Variants in FLG observed in about 807,000 individuals in gnomAD.
FLG encodes filaggrin.
Under a neutral mutation model 3.8 loss-of-function variants are expected in FLG, and 6 were observed. The ratio of observed to expected loss-of-function variants is 1.60; its 90% CI spans 0.87 to 3.15. The LOEUF is 3.15. Among genes scored for constraint, FLG ranks in the 30% most tolerant of loss-of-function variants. The probability of loss-of-function intolerance (pLI) is 0.00; values close to 1 mark genes in which losing one functional copy is unlikely to be tolerated. For missense variants in FLG, 7,595 were observed against 5,050.9 expected (o/e 1.50, Z -15.27); for synonymous variants, 2,551 against 1,931.6 (o/e 1.32, Z -8.41).
Position 152,310,319 on chromosome 1 carries a change from TG to T in FLG, c.4566del (p.Thr1523HisfsTer183). The T allele has an allele frequency of 2.5e-6, 4 of 1,613,890 alleles. No individual in the cohort carries two copies. Among genetic ancestry groups the T allele is most frequent in the Non-Finnish European group, 3.4e-6 (4 of 1,179,978 alleles). On this transcript the variant is annotated frameshift_variant, in exon 3 of 3. Coordinates refer to ENST00000368799, the MANE Select transcript of FLG (RefSeq NM_002016.2). LOFTEE classifies it low-confidence loss of function (END_TRUNC). ...GAGGCATCAGACCTTCCCTGGGGTG[TG>T]GTGTGGCTGTGATGGTACCCTGAGT... ...SGHSGYHHSH[T>X]TPQGRSDASH... is the part of the protein sequence containing the mutation.
chr1:152,313,638 C>T lies in FLG; in HGVS notation c.1248G>A (p.Gly416=), dbSNP rs374242065. 3 of 1,613,284 alleles carry T rather than the reference C, an allele frequency of 1.9e-6. No individual in the cohort carries two copies. The highest frequency in any genetic ancestry group is 2.7e-5 in the African/African-American group (2 of 74,686). ...TGTCACTGGCCTGACTACCGCTAGA[C>T]CCCCGGTGTCCACGATCGCTGACTG... ...SSAVSDRGHR[G]SSGSQASDSE... is the part of the protein sequence containing the mutation. The change falls in exon 3 of 3, where the codon GGG becomes GGA. Residue 416 remains glycine (G), a synonymous_variant. Coordinates refer to ENST00000368799, the MANE Select transcript of FLG (RefSeq NM_002016.2).
At position 152,309,440 on chromosome 1, in the gene FLG, G is replaced by C. The variant is rs1428880800; in HGVS notation, c.5446C>G (p.His1816Asp). Residue 1816 changes from histidine to aspartate, a missense_variant, in exon 3 of 3, where the codon CAC becomes GAC. Transcript: ENST00000368799. ...CTTCCTCCTCTGCTTGACCCTGGGT[G>C]TCCACGAATGGTGTCCTGACCCTCT... is the stretch of plus-strand genomic sequence containing the variant. The part of the protein sequence containing the change: ...SQEGQDTIRG[H>D]PGSSRGGRQG... 1 of 1,613,218 alleles carries C rather than the reference G, an allele frequency of 6.2e-7. No individual in the cohort carries two copies. The highest frequency in any genetic ancestry group is 2.2e-5 in the East Asian group (1 of 44,756).
At position 152,312,165 on chromosome 1, in the gene FLG, C is replaced by A; in HGVS notation, c.2721G>T (p.Arg907Ser). 1 of 1,613,902 alleles carries A rather than the reference C, an allele frequency of 6.2e-7. No individual in the cohort carries two copies. Among genetic ancestry groups the A allele is most frequent in the Non-Finnish European group, 8.5e-7 (1 of 1,179,992 alleles). ...CTTCATGGTGACGTGACCCTGAGTG[C>A]CTGGAGCCGTCTCTTGATTGTTCCT... ...RNEEQSRDGSRHSGSRHHEAS... is the reference protein window; with the variant it reads ...RNEEQSRDGSSHSGSRHHEAS... Residue 907 changes from arginine to serine, a missense_variant, in exon 3 of 3, where the codon AGG becomes AGT. Physicochemically the swap from Arg to Ser is moderately radical, Grantham distance 110 (BLOSUM62 -1). Transcript: ENST00000368799.
rs143647987 is a variant in FLG at position 152,313,327 on chromosome 1, G to T, written c.1559C>A (p.Pro520Gln). Residue 520 changes from proline (P) to glutamine (Q), a missense_variant, in exon 3 of 3, where the codon CCG becomes CAG. Pro to Gln is a moderately conservative substitution (Grantham distance 76). Coordinates refer to ENST00000368799, the MANE Select transcript of FLG (RefSeq NM_002016.2). ...CTGCCTTCCTCCTCTGCTTGACCCC[G>T]GGTGTCCACGAATGGTGTCCTGACC... ...QEGQDTIRGH[P>Q]GSSRGGRQGS... is the part of the protein sequence containing the mutation. 6 of 1,613,312 alleles carry T rather than the reference G, an allele frequency of 3.7e-6. No homozygotes were observed. In the African/African-American group the frequency reaches 8.0e-5, roughly 22 times the overall value.
Position 152,310,175 on chromosome 1 carries a change from A to C in FLG, c.4711T>G (p.Ser1571Ala). 6.2e-7 allele frequency: 1 copy of C among 1,613,646 alleles called. No homozygotes were observed. Among genetic ancestry groups the C allele is most frequent in the Non-Finnish European group, 8.5e-7 (1 of 1,179,944 alleles). ...CCCTGGCCCACCTGTGAGTGTCTAG[A>C]GCTGCCGGCCCGAGTGGAAGGTTCA... ...HHEPSTRAGS[S>A]RHSQVGQGES... Residue 1571 changes from serine (S) to alanine (A), a missense_variant, in exon 3 of 3, where the codon TCT (serine) becomes GCT (alanine). Transcript: ENST00000368799.
rs754492277 is a variant in FLG at position 152,309,204 on chromosome 1, G to T, written c.5682C>A (p.Ser1894Arg). ...CCTGGCCCACCTGCGAGTGTCTAGAGCTGTCGGCCCGAGAGGAAGCTTCAT... is the reference window on the plus strand; with the variant it reads ...CCTGGCCCACCTGCGAGTGTCTAGATCTGTCGGCCCGAGAGGAAGCTTCAT... Reference protein sequence around the residue: ...RHHEASSRADSSRHSQVGQGQ... With the variant: ...RHHEASSRADRSRHSQVGQGQ... The change falls in exon 3 of 3, where the codon AGC (serine) becomes AGA (arginine). Residue 1894 changes from serine to arginine, a missense_variant. Coordinates refer to ENST00000368799, the MANE Select transcript of FLG (RefSeq NM_002016.2). 1.9e-6 allele frequency: 3 copies of T among 1,613,724 alleles called. No homozygotes were observed. In the Admixed American group the frequency reaches 5.0e-5, roughly 27 times the overall value.
At position 152,314,663 on chromosome 1, in the gene FLG, G is replaced by A. The variant is rs778369045; in HGVS notation, c.223C>T (p.Leu75Phe). The A allele has an allele frequency of 8.7e-6, 14 of 1,614,040 alleles. No homozygotes were observed. The highest frequency in any genetic ancestry group is 1.0e-5 in the Non-Finnish European group (12 of 1,179,996). ...HNKKIDFTEF[L>F]LMVFKLAQAY... is the part of the protein sequence containing the mutation. ...TGAGCCAACTTGAATACCATCAGAAGAAACTCAGTGAAGTCAATTTTCTTG... is the reference window on the plus strand; with the variant it reads ...TGAGCCAACTTGAATACCATCAGAAAAAACTCAGTGAAGTCAATTTTCTTG... The change falls in exon 3 of 3, where the codon CTT becomes TTT. Residue 75 changes from leucine (L) to phenylalanine (F), a missense_variant. Leu to Phe is a conservative substitution (Grantham distance 22). Transcript: ENST00000368799.
At position 152,311,263 on chromosome 1, in the gene FLG, T is replaced by A. The variant is rs201515356; in HGVS notation, c.3623A>T (p.His1208Leu). The change falls in exon 3 of 3, where the codon CAT becomes CTT. Residue 1208 changes from histidine to leucine, a missense_variant. His to Leu is a moderately conservative substitution (Grantham distance 99). Coordinates refer to ENST00000368799, the MANE Select transcript of FLG (RefSeq NM_002016.2). ...TTSQGRSDAS[H>L]GQSGSRSASR... ...TGCACTTCTGGATCCTGACTGCCCA[T>A]GGGAGGCATCAGACCTTCCCTGGGA... The A allele has an allele frequency of 3.1e-6, 5 of 1,613,624 alleles. No homozygotes were observed. The highest frequency in any genetic ancestry group is 3.3e-5 in the Admixed American group (2 of 59,964).
chr1:152,312,876 A>C lies in FLG; in HGVS notation c.2010T>G (p.His670Gln). The C allele has an allele frequency of 1.9e-6, 3 of 1,613,108 alleles. No homozygotes were observed. The highest frequency in any genetic ancestry group is 2.7e-5 in the African/African-American group (2 of 74,928). The change falls in exon 3 of 3, where the codon CAT becomes CAG. Residue 670 changes from histidine (H) to glutamine (Q), a missense_variant. By Grantham distance (24) the His-to-Gln change is conservative (BLOSUM62 0). Transcript: ENST00000368799. ...PRSHHEDRAGHGHSADSSRKS... is the reference protein window; with the variant it reads ...PRSHHEDRAGQGHSADSSRKS... ...TTCTGGAGCTGTCTGCAGAGTGCCC[A>C]TGACCAGCTCTGTCTTCGTGATGGG... is the stretch of plus-strand genomic sequence containing the variant.
chr1:152,315,006 A>G, intron 2 of FLG: 2 of 461,864 alleles, frequency 4.3e-6, no homozygotes, highest in Non-Finnish European at 7.5e-6. Flanking sequence ...TATATAATTC[A>G]TTACTTAGTT....
Position 152,309,719 on chromosome 1 carries a change from C to A in FLG, c.5167G>T (p.Glu1723Ter), listed in dbSNP as rs755269851. ...GSSGSQASDS[E>*]GHSEESDTQS... ...GTGTCTGACTCTTCTGAGTGTCCCT[C>A]GCTGTCACTGGCCTGGCTACCACTG... The change falls in exon 3 of 3, where the codon GAG (glutamate) becomes TAG (stop). Residue 1723 changes from glutamate (E) to a stop codon, truncating the protein, a stop_gained. Coordinates refer to ENST00000368799, the MANE Select transcript of FLG (RefSeq NM_002016.2). LOFTEE classifies it low-confidence loss of function (END_TRUNC). The A allele has an allele frequency of 6.2e-7, 1 of 1,614,000 alleles. No individual in the cohort carries two copies. Among genetic ancestry groups the A allele is most frequent in the Non-Finnish European group, 8.5e-7 (1 of 1,179,992 alleles).
Position 152,302,582 on chromosome 1 carries a change from A to AT in FLG, c.*117dup. 1.5e-6 allele frequency: 2 copies of AT among 1,344,030 alleles called. No individual in the cohort carries two copies. The highest frequency in any genetic ancestry group is 1.0e-6 in the Non-Finnish European group (1 of 988,380). The allele number at this position is 1,344,030 out of a possible 1,614,324, so 83.3% of individuals were successfully genotyped here. On this transcript the variant is annotated 3_prime_UTR_variant, in exon 3 of 3. Transcript: ENST00000368799. ...CCAAACTAATGAAATACTATAGCAT[A>AT]TTTTAAACAGATTGACAGGAAAAGA...
chr1:152,311,287 G>T lies in FLG; in HGVS notation c.3599C>A (p.Ser1200Tyr). 6.2e-7 allele frequency: 1 copy of T among 1,613,864 alleles called. No individual in the cohort carries two copies. Among genetic ancestry groups the T allele is most frequent in the Non-Finnish European group, 8.5e-7 (1 of 1,179,986 alleles). The change falls in exon 3 of 3, where the codon TCC becomes TAC. Residue 1200 changes from serine (S) to tyrosine (Y), a missense_variant. Physicochemically the swap from Ser to Tyr is moderately radical, Grantham distance 144 (BLOSUM62 -2). Transcript: ENST00000368799. ...ATGGGAGGCATCAGACCTTCCCTGGGATGTGGTGTGGCTGTGATGGGACCC... is the reference window on the plus strand; with the variant it reads ...ATGGGAGGCATCAGACCTTCCCTGGTATGTGGTGTGGCTGTGATGGGACCC... Reference protein sequence around the residue: ...HSGSHHSHTTSQGRSDASHGQ... With the variant: ...HSGSHHSHTTYQGRSDASHGQ...
In FLG at chr1:152,307,039, T is replaced by G. The variant is rs1652017041; in HGVS notation, c.7847A>C (p.His2616Pro). Residue 2616 changes from histidine (H) to proline (P), a missense_variant, in exon 3 of 3, where the codon CAT (histidine) becomes CCT (proline). By Grantham distance (77) the His-to-Pro change is moderately conservative. Coordinates refer to ENST00000368799, the MANE Select transcript of FLG (RefSeq NM_002016.2). ...TCTGGAGCTGTCTGCAGAGTGCCCA[T>G]GACCAGCTCTGTCTTCTTGATGGGA... The part of the protein sequence containing the change: ...PRSHQEDRAG[H>P]GHSADSSRQS... The G allele has an allele frequency of 6.2e-7, 1 of 1,605,018 alleles. No homozygotes were observed. Among genetic ancestry groups the G allele is most frequent in the African/African-American group, 1.4e-5 (1 of 70,590 alleles).
Position 152,304,886 on chromosome 1 carries a change from C to G in FLG, c.10000G>C (p.Gly3334Arg), listed in dbSNP as rs776910156. 6.2e-7 allele frequency: 1 copy of G among 1,613,126 alleles called. No homozygotes were observed. Among genetic ancestry groups the G allele is most frequent in the Non-Finnish European group, 8.5e-7 (1 of 1,179,346 alleles). The change falls in exon 3 of 3, where the codon GGG (glycine) becomes CGG (arginine). Residue 3334 changes from glycine to arginine, a missense_variant. Physicochemically the swap from Gly to Arg is moderately radical, Grantham distance 125. Coordinates refer to ENST00000368799, the MANE Select transcript of FLG (RefSeq NM_002016.2). ...SSAVRDSRHW[G>R]SSGSQASDSE... ...TCACTGGCCTGACTACCACTGGACC[C>G]CCAGTGTCTACTGTCTCTGACTGCA...
Position 152,302,814 on chromosome 1 carries a change from A to C in FLG, c.12072T>G (p.His4024Gln), listed in dbSNP as rs1168043853. 1.2e-6 allele frequency: 2 copies of C among 1,614,086 alleles called. No individual in the cohort carries two copies. The highest frequency in any genetic ancestry group is 1.7e-6 in the Non-Finnish European group (2 of 1,180,048). ...ICKASAFGKD[H>Q]PRYYATYINK... ...TAATATACGTTGCATAATACCTTGG[A>C]TGATCTTTACCAAACGCACTTGCTT... is the stretch of plus-strand genomic sequence containing the variant. The change falls in exon 3 of 3, where the codon CAT becomes CAG. Residue 4024 changes from histidine (H) to glutamine (Q), a missense_variant. By Grantham distance (24) the His-to-Gln change is conservative (BLOSUM62 0). Transcript: ENST00000368799.
At position 152,315,447 on chromosome 1, in the gene FLG, G is replaced by T; in HGVS notation, c.10C>A (p.Leu4Ile). The T allele has an allele frequency of 6.2e-7, 1 of 1,611,512 alleles. No individual in the cohort carries two copies. Among genetic ancestry groups the T allele is most frequent in the South Asian group, 1.1e-5 (1 of 90,476 alleles). The stretch of plus-strand genomic sequence containing the variant: ...ATTATGGCAAAGATGTTTTCCAGGA[G>T]AGTAGACATCTTTTGGCAATAAATG... Reference protein sequence around the residue: MSTLLENIFAIINL... With the variant: MSTILENIFAIINL... Residue 4 changes from leucine to isoleucine, a missense_variant, in exon 2 of 3, where the codon CTC (leucine) becomes ATC (isoleucine). Physicochemically the swap from Leu to Ile is conservative, Grantham distance 5 (BLOSUM62 2). Transcript: ENST00000368799.
intron 1 of FLG, among the ~76,000 whole-genome samples, chr1:152,322,619 T>C (rs1471309761): frequency 6.6e-6 from 1 of 150,722 alleles, no homozygotes; most frequent in Admixed American, 6.6e-5. Context: ...GAAAATGAAA[T>C]AGGAAAGGAG....
chr1:152,304,183 T>G lies in FLG; in HGVS notation c.10703A>C (p.Gln3568Pro), dbSNP rs7532285. 3.9e-6 allele frequency: 6 copies of G among 1,540,596 alleles called. No homozygotes were observed. The South Asian group carries it at 6.9e-5, about 18-fold the overall frequency. Residue 3568 changes from glutamine to proline, a missense_variant, in exon 3 of 3, where the codon CAG becomes CCG. Transcript: ENST00000368799. ...SASRNHRGSAQEQSRDGSRHP... is the reference protein window; with the variant it reads ...SASRNHRGSAPEQSRDGSRHP... ...TCTGGAGCCATCTCTTGACTGCTCC[T>G]GAGCAGATCCACGATGGTTTCTGGA...
Sources: allele counts gnomAD v4.1 joint callset (sites outside exome capture counted in the v4.1 genomes callset), GRCh38; gene constraint gnomAD v4.1.1; transcripts MANE v1.5; gene names NCBI Gene and HGNC (gene_info 2026-07-23, HGNC 2026-07-21).